Variants in DENND5B observed in about 807,000 individuals in gnomAD.
DENND5B encodes the protein DENN domain-containing protein 5B.
In DENND5B, 34 loss-of-function variants were observed where a neutral mutation model predicts 140.6. The observed-to-expected ratio is 0.24, with a 90% CI of 0.18 to 0.32. DENND5B has a LOEUF of 0.32. Ranked by LOEUF, DENND5B falls within the 10% of genes least tolerant of loss-of-function variation. The pLI, the probability that DENND5B is intolerant of heterozygous loss-of-function variation, is 1.00. For synonymous variants in DENND5B, 551 were observed against 562.1 expected, an observed-to-expected ratio of 0.98 and a Z score of 0.28; for missense variants, 1,142 against 1,560.2, an observed-to-expected ratio of 0.73 and a Z score of 4.52.
chr12:31,555,896 C>T (rs1949261143), intron 1 of DENND5B, among the ~76,000 whole-genome samples: 1 of 152,172 alleles, frequency 6.6e-6, no homozygotes, highest in African/African-American at 2.4e-5. Context: ...ATTTTTTAAG[C>T]CCGTTGGAAA....
intron 1 of DENND5B, among the ~76,000 whole-genome samples, chr12:31,531,354 T>G (rs1030652322): frequency 1.3e-5 from 2 of 152,124 alleles, no homozygotes; most frequent in Non-Finnish European, 2.9e-5. Flanking sequence ...CGCATGCCAC[T>G]ACGTCCCGCT....
At chr12:31,509,796 T>C (rs1947339461) in intron 1 of DENND5B, among the ~76,000 whole-genome samples, 1 of 152,096 alleles carries the variant, frequency 6.6e-6, no homozygotes, top group Admixed American at 6.5e-5. Flanking sequence ...AGTACACAAG[T>C]TGCAGTATTA....
chr12:31,547,649 C>A (rs1732561637), intron 1 of DENND5B, among the ~76,000 whole-genome samples: 1 of 152,104 alleles, frequency 6.6e-6, no homozygotes, highest in African/African-American at 2.4e-5. Flanking sequence ...ACTCGCCCCA[C>A]CTCCCAAAAT....
intron 11 of DENND5B, among the ~76,000 whole-genome samples, chr12:31,420,851 C>A (rs139977494): frequency 6.6e-6 from 1 of 152,290 alleles, no homozygotes; most frequent in East Asian, 1.9e-4. Flanking sequence ...GGATTTCAAA[C>A]TACTAGGTGC....
At chr12:31,554,394 C>T (rs912699613) in intron 1 of DENND5B, among the ~76,000 whole-genome samples, 4 of 152,132 alleles carry the variant, frequency 2.6e-5, no homozygotes, top group African/African-American at 9.7e-5. Flanking sequence ...TATTGGCCCC[C>T]ACTCTCTTCT....
At chr12:31,522,713 T>G (rs1427421931) in intron 1 of DENND5B, among the ~76,000 whole-genome samples, 15 of 152,202 alleles carry the variant, frequency 9.9e-5, no homozygotes, top group Non-Finnish European at 2.9e-5. Flanking sequence ...ACCCTGGGAC[T>G]ACAGGTGAGC....
intron 3 of DENND5B, among the ~76,000 whole-genome samples, chr12:31,461,313 G>A (rs11051439): frequency 0.56 from 85,195 of 151,946 alleles, 24,416 homozygotes; most frequent in East Asian, 0.82. Flanking sequence ...CTAACCCCTA[G>A]CCACAAAACT....
intron 3 of DENND5B, among the ~76,000 whole-genome samples, chr12:31,463,259 C>CA (rs1945104196): frequency 6.8e-6 from 1 of 147,048 alleles, no homozygotes; most frequent in Non-Finnish European, 1.5e-5. Flanking sequence ...GATTCTGTCT[C>CA]AAAAAAACAA....
chr12:31,536,030 T>C (rs1565673546), intron 1 of DENND5B, among the ~76,000 whole-genome samples: 2 of 152,122 alleles, frequency 1.3e-5, no homozygotes, highest in Non-Finnish European at 2.9e-5. Context: ...TGTTTAGAAG[T>C]GTGTAGCAGC....
intron 1 of DENND5B, among the ~76,000 whole-genome samples, chr12:31,537,316 CA>C (rs1163742721): frequency 2.0e-5 from 3 of 151,932 alleles, no homozygotes; most frequent in African/African-American, 4.8e-5. Flanking sequence ...AGTTAGAAAG[CA>C]GGGGGATGAA....
At chr12:31,522,944 T>TG (rs1022264988) in intron 1 of DENND5B, among the ~76,000 whole-genome samples, 16 of 151,698 alleles carry the variant, frequency 1.1e-4, no homozygotes, top group African/African-American at 3.6e-4. Flanking sequence ...AGACCTAGAG[T>TG]GGGGCTGTGA....
At chr12:31,438,687 T>C (rs1411576101) in intron 7 of DENND5B, among the ~76,000 whole-genome samples, 1 of 151,582 alleles carries the variant, frequency 6.6e-6, no homozygotes, top group Non-Finnish European at 1.5e-5. Flanking sequence ...ACAAACAAAA[T>C]GTACAAAGAC....
chr12:31,537,881 G>A (rs751573427), intron 1 of DENND5B, among the ~76,000 whole-genome samples: 41 of 152,124 alleles, frequency 2.7e-4, no homozygotes, highest in Admixed American at 9.2e-4. Flanking sequence ...ACTATAAGAA[G>A]AGACAAAGAA....
In DENND5B at chr12:31,402,751, T is replaced by C. The variant is rs1396382248; in HGVS notation, c.2804-108A>G. ...GTTTTCATTGATAATTTGCTTTTTATGAGCTATCAAGATGTACTTATACGA... is the reference window on the plus strand; with the variant it reads ...GTTTTCATTGATAATTTGCTTTTTACGAGCTATCAAGATGTACTTATACGA... On this transcript the variant is annotated intron_variant, in intron 14 of 20. Transcript: ENST00000389082. 6.7e-6 allele frequency: 9 copies of C among 1,342,876 alleles called. No individual in the cohort carries two copies. The East Asian group carries it at 1.4e-4, about 21-fold the overall frequency. The allele number at this position is 1,342,876 out of a possible 1,614,324, so 83.2% of individuals were successfully genotyped here.
At chr12:31,467,448 A>T (rs7136559) in intron 3 of DENND5B, among the ~76,000 whole-genome samples, 58,156 of 150,916 alleles carry the variant, frequency 0.39, 12,028 homozygotes, top group East Asian at 0.57. Context: ...AGACAGTGAG[A>T]CCCCCATCTC....
chr12:31,494,906 C>A (rs914177357), intron 2 of DENND5B, among the ~76,000 whole-genome samples: 3 of 152,136 alleles, frequency 2.0e-5, no homozygotes, highest in African/African-American at 7.2e-5. Flanking sequence ...GTGGATTGTA[C>A]CTTCATTTTT....
chr12:31,430,798 C>A (rs11051428), intron 8 of DENND5B, among the ~76,000 whole-genome samples: 58,635 of 152,038 alleles, frequency 0.39, 12,156 homozygotes, highest in East Asian at 0.57. Flanking sequence ...CAGTTATTAG[C>A]CAACAGTGGA....
chr12:31,423,966 T>C (rs1044452907), intron 10 of DENND5B, among the ~76,000 whole-genome samples: 6 of 152,194 alleles, frequency 3.9e-5, no homozygotes, highest in African/African-American at 1.4e-4. Flanking sequence ...TGTATGTAAT[T>C]AGGGCTGTCT....
At chr12:31,407,606 G>A (rs1251265945) in intron 14 of DENND5B, among the ~76,000 whole-genome samples, 4 of 152,172 alleles carry the variant, frequency 2.6e-5, no homozygotes, top group Non-Finnish European at 4.4e-5. Context: ...CCAGTGAAAT[G>A]TTAGTGATAT....
Sources: gnomAD v4.1 joint callset for allele counts (sites outside exome capture counted in the v4.1 genomes callset) on GRCh38, gnomAD v4.1.1 for gene constraint, MANE v1.5 for transcripts, NCBI Gene and HGNC (gene_info 2026-07-23, HGNC 2026-07-21) for gene names.